Variants in CUX1 observed in about 807,000 individuals in gnomAD.
CUX1 encodes the protein protein CASP.
Under a neutral mutation model 158.8 loss-of-function variants are expected in CUX1, and 31 were observed. The ratio of observed to expected loss-of-function variants is 0.20; its 90% CI spans 0.15 to 0.26. CUX1 has a LOEUF of 0.26. CUX1 is among the 10% of genes least tolerant of loss of function. The pLI, the probability that CUX1 is intolerant of heterozygous loss-of-function variation, is 1.00. For missense variants in CUX1, 1,589 were observed against 2,014.6 expected (o/e 0.79, Z 4.04); for synonymous variants, 879 against 862.1 (o/e 1.02, Z -0.34).
At position 101,987,050 on chromosome 7, in the gene CUX1, G is replaced by A. The variant is rs561652853; in HGVS notation, c.142-41048G>A. On this transcript the variant is annotated intron_variant, in intron 2 of 23. Transcript: ENST00000292535. ...CTGCTCCTGCCACCCCTGTCCCACC[G>A]TGCTTCCTCCCTCCCTGTGCCTCAG... Among the ~76,000 whole-genome samples the A allele has an allele frequency of 2.7e-4, 41 of 152,196 alleles. No homozygotes were observed. In the South Asian group the frequency reaches 4.1e-3, roughly 15 times the overall value.
chr7:102,227,875 C>T (rs1467469394), intron 21 of CUX1, among the ~76,000 whole-genome samples: 1 of 152,106 alleles, frequency 6.6e-6, no homozygotes, highest in Non-Finnish European at 1.5e-5. Context: ...CCTGCACCCC[C>T]ACGGGGACCA....
intron 8 of CUX1, among the ~76,000 whole-genome samples, chr7:102,141,212 G>A (rs183874803): frequency 2.0e-5 from 3 of 152,240 alleles, no homozygotes; most frequent in East Asian, 1.9e-4. Context: ...GCAGACTTTC[G>A]GTGCCAGCGA....
chr7:102,011,053 C>T (rs1425617123), intron 2 of CUX1, among the ~76,000 whole-genome samples: 3 of 151,920 alleles, frequency 2.0e-5, no homozygotes, highest in Non-Finnish European at 2.9e-5. Context: ...GCGGAGGTTG[C>T]AGTGAGCCAA....
rs1294869861 is a variant in CUX1 at position 102,256,443 on chromosome 7, A to G, written c.*7401A>G. 4.1e-6 allele frequency: 4 copies of G among 985,184 alleles called. No homozygotes were observed. The highest frequency in any genetic ancestry group is 4.8e-6 in the Non-Finnish European group (4 of 829,912). The allele number at this position is 985,184 out of a possible 1,614,324, so 61.0% of individuals were successfully genotyped here. On this transcript the variant is annotated 3_prime_UTR_variant, in exon 24 of 24. Transcript: ENST00000292535. ...TTTTGCTGTCACTCTAGTGGTTACT[A>G]TCCTCTGCCTTCCTCTCCTCCCCTA...
In CUX1 at chr7:102,168,882, GCTTTTCTTTT is replaced by G. The variant is rs370878244; in HGVS notation, c.724-1543_724-1534del. 5.8e-4 allele frequency among the ~76,000 whole-genome samples: 84 copies of G among 144,370 alleles called. 2 individuals carry two copies. Among genetic ancestry groups the G allele is most frequent in the South Asian group, 4.1e-3 (19 of 4,590 alleles). The allele number at this position is 144,370 out of a possible 152,430, so 94.7% of individuals were successfully genotyped here. A position where few individuals can be genotyped will look rare whatever the true frequency, so the allele number is the denominator to read the frequency against. On this transcript the variant is annotated intron_variant, in intron 9 of 23. Coordinates refer to ENST00000292535, the MANE Select transcript of CUX1 (RefSeq NM_181552.4). ...CACGATGGAGACGCTGCTTGGCCAG[GCTTTTCTTTT>G]CTTTTCTTTTCTTTTCTTTTATTTT...
chr7:102,084,674 T>G (rs1339429170), intron 4 of CUX1, among the ~76,000 whole-genome samples: 4 of 121,890 alleles, frequency 3.3e-5, no homozygotes, highest in Non-Finnish European at 8.2e-5. Flanking sequence ...CTACCCGCCT[T>G]GGCCTCCCAA....
At chr7:102,133,467 CTTTTTTTT>C (rs11266929) in intron 8 of CUX1, among the ~76,000 whole-genome samples, 1 of 90,576 alleles carries the variant, frequency 1.1e-5, no homozygotes, top group African/African-American at 5.0e-5. Context: ...AAAAATACAT[CTTTTTTTT>C]TTTTTTTTTT....
At chr7:101,921,840 A>C (rs1804979516) in intron 2 of CUX1, among the ~76,000 whole-genome samples, 2 of 152,126 alleles carry the variant, frequency 1.3e-5, no homozygotes, top group Admixed American at 1.3e-4. Flanking sequence ...GTTTGTGGCC[A>C]GACACAGTGG....
At chr7:102,152,754 C>T (rs577244294) in intron 8 of CUX1, among the ~76,000 whole-genome samples, 1 of 152,310 alleles carries the variant, frequency 6.6e-6, no homozygotes, top group Admixed American at 6.5e-5. Flanking sequence ...CTCCCATTGT[C>T]TCCTCCTGTG....
At chr7:102,207,263 T>C (rs1317438531) in intron 20 of CUX1, among the ~76,000 whole-genome samples, 1 of 152,174 alleles carries the variant, frequency 6.6e-6, no homozygotes, top group Non-Finnish European at 1.5e-5. Flanking sequence ...AAGTTGCCAG[T>C]GGTTTTTGTG....
intron 3 of CUX1, among the ~76,000 whole-genome samples, chr7:102,028,754 C>T (rs906676556): frequency 6.6e-6 from 1 of 152,216 alleles, no homozygotes; most frequent in African/African-American, 2.4e-5. Context: ...GGAACAGCAG[C>T]CATAGAGGGG....
intron 1 of CUX1, among the ~76,000 whole-genome samples, chr7:101,833,416 G>A (rs943074691): frequency 4.0e-5 from 6 of 150,678 alleles, no homozygotes; most frequent in East Asian, 2.0e-4. Context: ...TTAGCTGAGC[G>A]TGATGGTGCA....
rs111303723 is a variant in CUX1, at chr7:101,972,637, C to G, written c.142-55461C>G. Among the ~76,000 whole-genome samples the G allele has an allele frequency of 1.1e-4, 16 of 152,330 alleles. 3 individuals are homozygous for G. Among genetic ancestry groups the G allele is most frequent in the African/African-American group, 2.9e-4 (12 of 41,572 alleles). On this transcript the variant is annotated intron_variant, in intron 2 of 23. Coordinates refer to ENST00000292535, the MANE Select transcript of CUX1 (RefSeq NM_181552.4). ...TTCTGCTGTATTCACGCGCCCTCAC[C>G]ACCTCCTGTGTATTCGTGTGCTGGA...
At chr7:101,821,671 C>CTTTTTTTTTTT (rs58793343) in intron 1 of CUX1, among the ~76,000 whole-genome samples, 559 of 51,314 alleles carry the variant, frequency 0.011, 83 homozygotes, top group Non-Finnish European at 0.014. Context: ...TTTCTTTTTT[C>CTTTTTTTTTTT]TTTTTTTTTT....
intron 22 of CUX1, chr7:102,282,829 C>T (rs1354600867): frequency 2.2e-6 from 3 of 1,333,754 alleles, no homozygotes; most frequent in East Asian, 5.5e-5. Flanking sequence ...CTCCCAGCAC[C>T]CCCGCAACAC....
chr7:102,200,279 A>C, intron 17 of CUX1, 107 bp downstream of exon 17: 1 of 836,754 alleles, frequency 1.2e-6, no homozygotes, highest in Non-Finnish European at 1.8e-6. Flanking sequence ...ACAATAATGA[A>C]TGCCTGTTCT....
At chr7:102,131,463 G>A (rs1833223031) in intron 8 of CUX1, among the ~76,000 whole-genome samples, 1 of 150,660 alleles carries the variant, frequency 6.6e-6, no homozygotes, top group Admixed American at 6.6e-5. Flanking sequence ...AGACCAGCCT[G>A]GGCAAAACAG....
rs142870500 is a variant in CUX1, at chr7:102,081,282, A to T, written c.268+10865A>T. Among the ~76,000 whole-genome samples the T allele has an allele frequency of 6.5e-3, 760 of 117,152 alleles. 100 individuals are homozygous for T. Among genetic ancestry groups the T allele is most frequent in the Middle Eastern group, 0.04 (9 of 224 alleles). 76.9% of individuals were successfully genotyped at this position (117,152 alleles called of 152,430 possible). A position where few individuals can be genotyped will look rare whatever the true frequency, so the allele number is the denominator to read the frequency against. ...CCCCCCACGTGCTCCCAAGATAGTCAGTGACATCACCATTCACGCAGGTGC... is the reference window on the plus strand; with the variant it reads ...CCCCCCACGTGCTCCCAAGATAGTCTGTGACATCACCATTCACGCAGGTGC... On this transcript the variant is annotated intron_variant, in intron 4 of 23. Coordinates refer to ENST00000292535, the MANE Select transcript of CUX1 (RefSeq NM_181552.4).
rs541462402 is a variant in CUX1, at chr7:102,011,428, A to G, written c.142-16670A>G. 1.1e-3 allele frequency among the ~76,000 whole-genome samples: 167 copies of G among 151,766 alleles called. 1 individual carries two copies. Among genetic ancestry groups the G allele is most frequent in the African/African-American group, 3.9e-3 (162 of 41,372 alleles). ...TGGTGATGGGATTTTGGAGACAAAC[A>G]TGGTCTCTTCTGCTTGCTTGCTTGC... On this transcript the variant is annotated intron_variant, in intron 2 of 23. Transcript: ENST00000292535.
Sources: gnomAD v4.1 joint callset for allele counts (sites outside exome capture counted in the v4.1 genomes callset) on GRCh38, gnomAD v4.1.1 for gene constraint, MANE v1.5 for transcripts, NCBI Gene and HGNC (gene_info 2026-07-23, HGNC 2026-07-21) for gene names.